The following ADGRV1 variants were observed in gnomAD, a reference collection of about 807,000 sequenced individuals.
The protein encoded by ADGRV1 is G-protein coupled receptor 98.
Under a neutral mutation model 596.2 loss-of-function variants are expected in ADGRV1, and 359 were observed. The observed-to-expected ratio is 0.60, with a 90% CI of 0.55 to 0.66. The LOEUF (loss-of-function observed/expected upper bound fraction) is 0.66. ADGRV1 is among the 30% of genes least tolerant of loss of function. ADGRV1 has a pLI of 0.00. For missense variants in ADGRV1, 7,274 were observed against 7,575.6 expected, an observed-to-expected ratio of 0.96 and a Z score of 1.48; for synonymous variants, 2,681 against 2,679.2, an observed-to-expected ratio of 1.00 and a Z score of -0.02.
intron 83 of ADGRV1, among the ~76,000 whole-genome samples, chr5:90,959,140 G>A (rs183117289): frequency 6.6e-6 from 1 of 152,138 alleles, no homozygotes; most frequent in East Asian, 1.9e-4. Context: ...ATGTGATTCT[G>A]TAACTTTACA....
chr5:90,631,582 G>A (rs1221390581), intron 9 of ADGRV1, among the ~76,000 whole-genome samples: 2 of 152,006 alleles, frequency 1.3e-5, no homozygotes, highest in South Asian at 2.1e-4. Flanking sequence ...TCCTCCAAGC[G>A]GGAAAATTTT....
chr5:91,126,672 G>A (rs1793787500), intron 87 of ADGRV1, among the ~76,000 whole-genome samples: 1 of 152,056 alleles, frequency 6.6e-6, no homozygotes, highest in Non-Finnish European at 1.5e-5. Flanking sequence ...ATTTTGCTAT[G>A]CTTTAAAAAG....
intron 11 of ADGRV1, among the ~76,000 whole-genome samples, chr5:90,639,238 A>G (rs1276475069): frequency 6.6e-6 from 1 of 152,122 alleles, no homozygotes; most frequent in Non-Finnish European, 1.5e-5. Flanking sequence ...TATTTTTTTC[A>G]TTTTTGTTTT....
At chr5:91,019,195 G>A (rs564616647) in intron 85 of ADGRV1, among the ~76,000 whole-genome samples, 2 of 151,998 alleles carry the variant, frequency 1.3e-5, no homozygotes, top group African/African-American at 4.8e-5. Flanking sequence ...GGGAAGATGA[G>A]GTCAGTTATG....
chr5:90,677,973 A>G (rs1224306854), intron 25 of ADGRV1, among the ~76,000 whole-genome samples: 2 of 152,230 alleles, frequency 1.3e-5, no homozygotes, highest in Non-Finnish European at 2.9e-5. Context: ...ATGATTCTAC[A>G]TAAGGTAGCC....
chr5:90,946,658 C>T (rs1249468669), intron 83 of ADGRV1, among the ~76,000 whole-genome samples: 2 of 152,156 alleles, frequency 1.3e-5, no homozygotes, highest in East Asian at 1.9e-4. Context: ...TGTTCCCCTC[C>T]CTGTGTCCAT....
At chr5:91,016,399 A>G (rs1783174884) in intron 85 of ADGRV1, among the ~76,000 whole-genome samples, 2 of 151,984 alleles carry the variant, frequency 1.3e-5, no homozygotes, top group Non-Finnish European at 2.9e-5. Context: ...GAACAAATGC[A>G]GAGAAAAATT....
rs567881943 is a variant in ADGRV1 at position 90,823,454 on chromosome 5, G to A, written c.16226G>A (p.Arg5409Gln). 22 of 1,613,648 alleles carry A rather than the reference G, an allele frequency of 1.4e-5. No individual in the cohort carries two copies. In the African/African-American group the frequency reaches 1.6e-4, roughly 12 times the overall value. ...TTTGAAGATGTCAAGGTCTTTTGGCGAGTCACACTTAACAAAACAGTCGTC... is the reference window on the plus strand; with the variant it reads ...TTTGAAGATGTCAAGGTCTTTTGGCAAGTCACACTTAACAAAACAGTCGTC... ...RAFEDVKVFW[R>Q]VTLNKTVVVL... The change falls in exon 76 of 90, where the codon CGA becomes CAA. Residue 5409 changes from arginine (R) to glutamine (Q), a missense_variant. By Grantham distance (43) the Arg-to-Gln change is conservative. Around this residue, in one of 5 missense-constraint regions of ADGRV1, gnomAD observed 1,874 missense variants for 1,970.2 expected, o/e 0.95. Transcript: ENST00000405460.
chr5:91,067,017 G>A (rs1184601685), intron 85 of ADGRV1, among the ~76,000 whole-genome samples: 2 of 152,148 alleles, frequency 1.3e-5, no homozygotes, highest in Non-Finnish European at 2.9e-5. Context: ...GTCATGACTT[G>A]TGGAGCTCTG....
chr5:90,707,017 T>C (rs1419259651), intron 38 of ADGRV1, among the ~76,000 whole-genome samples: 1 of 151,730 alleles, frequency 6.6e-6, no homozygotes, highest in Non-Finnish European at 1.5e-5. Context: ...ACCTAAGAGG[T>C]TTCAAGGAGT....
At chr5:90,591,897 GATTTA>G (rs1759555132) in intron 1 of ADGRV1, among the ~76,000 whole-genome samples, 1 of 152,198 alleles carries the variant, frequency 6.6e-6, no homozygotes, top group South Asian at 2.1e-4. Context: ...TGAGGTGGGT[GATTTA>G]ATTTCACATT....
rs762877997 is a variant in ADGRV1 at position 90,706,329 on chromosome 5, A to G, written c.8665A>G (p.Ile2889Val). The change falls in exon 38 of 90, where the codon ATC (isoleucine) becomes GTC (valine). Residue 2889 changes from isoleucine to valine, a missense_variant. Physicochemically the swap from Ile to Val is conservative, Grantham distance 29 (BLOSUM62 3). Coordinates refer to ENST00000405460, the MANE Select transcript of ADGRV1 (RefSeq NM_032119.4). ...LAEPEVDFVPIIGFLILEEGE... is the reference protein window; with the variant it reads ...LAEPEVDFVPVIGFLILEEGE... ...AGAGCCAGAAGTTGATTTTGTCCCTATCATTGGCTTTCTGATTTTAGAAGA... is the reference window on the plus strand; with the variant it reads ...AGAGCCAGAAGTTGATTTTGTCCCTGTCATTGGCTTTCTGATTTTAGAAGA... 10 of 1,613,082 alleles carry G rather than the reference A, an allele frequency of 6.2e-6. No individual in the cohort carries two copies. Among genetic ancestry groups the G allele is most frequent in the Admixed American group, 1.7e-5 (1 of 59,946 alleles).
At chr5:90,770,913 G>T (rs1029811465) in intron 59 of ADGRV1, among the ~76,000 whole-genome samples, 2 of 152,084 alleles carry the variant, frequency 1.3e-5, no homozygotes, top group African/African-American at 2.4e-5. Flanking sequence ...ACTGCAATCT[G>T]TTCAGTAACT....
rs545203625 is a variant in ADGRV1, at chr5:91,040,280, A to G, written c.18153-32167A>G. On this transcript the variant is annotated intron_variant, in intron 85 of 89. Transcript: ENST00000405460. ...TAAATATTTTTAACTTGGAATTAAT[A>G]ACTGTTAGAATGAATTTCAAGCCTT... Among the ~76,000 whole-genome samples the G allele has an allele frequency of 4.0e-3, 614 of 152,290 alleles. 2 individuals are homozygous for G. Among genetic ancestry groups the G allele is most frequent in the Non-Finnish European group, 7.2e-3 (492 of 68,012 alleles).
intron 50 of ADGRV1, among the ~76,000 whole-genome samples, chr5:90,732,376 G>A (rs1266005123): frequency 6.6e-6 from 1 of 152,098 alleles, no homozygotes. Context: ...GATATACAAT[G>A]TGATATTTTG....
chr5:90,864,804 T>G (rs1022740126), intron 83 of ADGRV1, among the ~76,000 whole-genome samples: 4 of 152,190 alleles, frequency 2.6e-5, no homozygotes, highest in Non-Finnish European at 5.9e-5. Flanking sequence ...AATTAAAAAA[T>G]CCCACTTTTC....
At chr5:90,955,789 G>A (rs1489070903) in intron 83 of ADGRV1, among the ~76,000 whole-genome samples, 1 of 152,124 alleles carries the variant, frequency 6.6e-6, no homozygotes, top group Admixed American at 6.5e-5. Flanking sequence ...AAAAATATAC[G>A]TGTATGTAGC....
intron 85 of ADGRV1, among the ~76,000 whole-genome samples, chr5:91,046,879 A>C (rs544243088): frequency 1.4e-4 from 22 of 152,340 alleles, no homozygotes; most frequent in African/African-American, 5.3e-4. Flanking sequence ...AATTCTCAAA[A>C]GAAGATATAC....
intron 83 of ADGRV1, among the ~76,000 whole-genome samples, chr5:90,933,293 T>C (rs1268793734): frequency 6.6e-6 from 1 of 152,154 alleles, no homozygotes; most frequent in African/African-American, 2.4e-5. Flanking sequence ...GGTAATGTTG[T>C]AAAAGGATTA....
Sources: gnomAD v4.1 joint callset for allele counts (sites outside exome capture counted in the v4.1 genomes callset) on GRCh38, gnomAD v4.1.1 for gene constraint, gnomAD v4.1.1 regional missense constraint, MANE v1.5 for transcripts, NCBI Gene and HGNC (gene_info 2026-07-23, HGNC 2026-07-21) for gene names.